Variants in GPHN observed in about 807,000 individuals in gnomAD.
The protein encoded by GPHN is gephyrin.
GPHN carries 17 observed loss-of-function variants against 95.5 expected under a neutral mutation model. The ratio of observed to expected loss-of-function variants is 0.18; its 90% confidence interval spans 0.12 to 0.27. The LOEUF (loss-of-function observed/expected upper bound fraction) is 0.27. Among genes scored for constraint, GPHN ranks in the 10% least tolerant of loss-of-function variants. GPHN has a pLI of 1.00. For synonymous variants in GPHN, 320 were observed against 322.5 expected (o/e 0.99, Z 0.08); for missense variants, 660 against 978.1 (o/e 0.67, Z 4.34).
rs1765182091 is a variant in GPHN, at chr14:66,508,263, C to T, written c.-265C>T. 2 of 566,580 alleles carry T rather than the reference C, an allele frequency of 3.5e-6. No individual in the cohort carries two copies. The highest frequency in any genetic ancestry group is 6.3e-6 in the Non-Finnish European group (2 of 316,502). The allele number at this position is 566,580 out of a possible 1,614,324, so 35.1% of individuals were successfully genotyped here. On this transcript the variant is annotated 5_prime_UTR_variant, in exon 1 of 23. Coordinates refer to ENST00000478722, the MANE Select transcript of GPHN (RefSeq NM_020806.5). Reference sequence around the variant, plus strand: ...GCGCTCTCCCCGTGCGGCCACCGCGCCCCCCAAGCTTGCCTCCTTCTTGCC... The same window carrying T: ...GCGCTCTCCCCGTGCGGCCACCGCGTCCCCCAAGCTTGCCTCCTTCTTGCC...
the GPHN span, among the ~76,000 whole-genome samples, chr14:67,707,543 C>T: frequency 2.0e-5 from 3 of 152,196 alleles, no homozygotes; most frequent in Non-Finnish European, 2.9e-5. Context: ...ATTCTCCTGC[C>T]TCAGCTTCCC....
intron 2 of GPHN, among the ~76,000 whole-genome samples, chr14:66,749,414 A>G (rs942055588): frequency 1.3e-5 from 2 of 151,952 alleles, no homozygotes; most frequent in African/African-American, 4.8e-5. Context: ...GTAAGAAACC[A>G]CCAGACTGTC....
intron 21 of GPHN, among the ~76,000 whole-genome samples, chr14:67,174,030 A>G (rs1256524197): frequency 2.6e-5 from 4 of 152,232 alleles, no homozygotes; most frequent in Non-Finnish European, 5.9e-5. Context: ...ACAATGAAAA[A>G]GAATGAAGAA....
the GPHN span, chr14:67,600,212 C>G: frequency 1.1e-4 from 173 of 1,562,140 alleles, no homozygotes; most frequent in African/African-American, 1.3e-3. Context: ...ATGACGCCCC[C>G]ACTCGGCCGC....
chr14:67,208,424 ACAGC>A, the GPHN span: 8 of 1,613,808 alleles, frequency 5.0e-6, no homozygotes, highest in Non-Finnish European at 6.8e-6. Context: ...TTTTCAGAGC[ACAGC>A]TCTCAAGGCT....
intron 2 of GPHN, among the ~76,000 whole-genome samples, chr14:66,704,256 C>T (rs1424873327): frequency 6.6e-6 from 1 of 151,810 alleles, no homozygotes; most frequent in Non-Finnish European, 1.5e-5. Context: ...ATTAGATCAA[C>T]AAGAGAGAAA....
chr14:66,990,849 G>T (rs1433746730), intron 9 of GPHN, among the ~76,000 whole-genome samples: 1 of 151,008 alleles, frequency 6.6e-6, no homozygotes, highest in Admixed American at 6.6e-5. Flanking sequence ...AGTTTAATTT[G>T]CTAATAAATA....
intron 2 of GPHN, among the ~76,000 whole-genome samples, chr14:66,703,771 A>G (rs145097290): frequency 0.02 from 3,085 of 152,302 alleles, 51 homozygotes; most frequent in Middle Eastern, 0.034. Flanking sequence ...TGACAGGATC[A>G]AATTCACACA....
At chr14:66,787,183 A>G (rs111975876) in intron 3 of GPHN, among the ~76,000 whole-genome samples, 3 of 152,312 alleles carry the variant, frequency 2.0e-5, no homozygotes, top group African/African-American at 7.2e-5. Flanking sequence ...AAAGAAAAAA[A>G]TCAATTGGAT....
chr14:67,686,623 A>C, the GPHN span, among the ~76,000 whole-genome samples: 1 of 130,934 alleles, frequency 7.6e-6, no homozygotes, highest in Admixed American at 8.7e-5. Context: ...TGGGCGACAG[A>C]GTGAGACACC....
At chr14:67,273,654 G>A in the GPHN span, among the ~76,000 whole-genome samples, 1 of 152,064 alleles carries the variant, frequency 6.6e-6, no homozygotes, top group Admixed American at 6.5e-5. Flanking sequence ...GGGATGGCTG[G>A]GTCAAATGGT....
At chr14:67,229,597 G>T in the GPHN span, among the ~76,000 whole-genome samples, 1 of 152,078 alleles carries the variant, frequency 6.6e-6, no homozygotes, top group Non-Finnish European at 1.5e-5. Flanking sequence ...AAAATCTAGT[G>T]TCCAAATTGA....
At chr14:66,534,389 A>T (rs565329786) in intron 1 of GPHN, among the ~76,000 whole-genome samples, 3 of 152,088 alleles carry the variant, frequency 2.0e-5, no homozygotes, top group Middle Eastern at 6.8e-3. Flanking sequence ...AAAGGGAATG[A>T]CTTCTTTCGT....
the GPHN span, among the ~76,000 whole-genome samples, chr14:67,455,717 T>A: frequency 5.9e-5 from 9 of 152,206 alleles, no homozygotes; most frequent in Non-Finnish European, 1.2e-4. Flanking sequence ...ATTTACCATA[T>A]ATAATAAATT....
At chr14:67,297,098 T>TG in the GPHN span, among the ~76,000 whole-genome samples, 3 of 152,194 alleles carry the variant, frequency 2.0e-5, no homozygotes, top group Admixed American at 6.5e-5. Context: ...CAAAGCACTT[T>TG]GGGGGAAAAA....
In GPHN at chr14:67,023,621, C is replaced by T. The variant is rs758805125; in HGVS notation, c.964-12C>T. The T allele has an allele frequency of 1.2e-6, 2 of 1,611,348 alleles. No individual in the cohort carries two copies. The highest frequency in any genetic ancestry group is 4.5e-5 in the East Asian group (2 of 44,862). Reference sequence around the variant, plus strand: ...TAAACCCTAAATTACTGAGTTTATGCTCTTTCTACAGGTCCAGTCCAGGTG... The same window carrying T: ...TAAACCCTAAATTACTGAGTTTATGTTCTTTCTACAGGTCCAGTCCAGGTG... On this transcript the variant is annotated splice_polypyrimidine_tract_variant and intron_variant, in intron 9 of 22. Transcript: ENST00000478722.
the GPHN span, chr14:67,221,870 T>G: frequency 3.3e-5 from 52 of 1,591,294 alleles, 1 homozygote; most frequent in East Asian, 7.2e-4. Flanking sequence ...TCATCTCTGG[T>G]TCCTAGAAGA....
chr14:67,380,207 G>T, the GPHN span, among the ~76,000 whole-genome samples: 1 of 152,182 alleles, frequency 6.6e-6, no homozygotes, highest in African/African-American at 2.4e-5. Context: ...TGGCACTTAG[G>T]AGGGTCAGAT....
chr14:67,693,517 G>GAA, the GPHN span, among the ~76,000 whole-genome samples: 1 of 145,860 alleles, frequency 6.9e-6, no homozygotes, highest in African/African-American at 2.5e-5. Context: ...AAATAAACAA[G>GAA]AAAAAAAAAA....
Sources: gnomAD v4.1 joint callset for allele counts (sites outside exome capture counted in the v4.1 genomes callset) on GRCh38, gnomAD v4.1.1 for gene constraint, MANE v1.5 for transcripts, NCBI Gene and HGNC (gene_info 2026-07-23, HGNC 2026-07-21) for gene names.